Variants in TBC1D19 observed in about 807,000 individuals in gnomAD.
TBC1D19 encodes the protein TBC1 domain family member 19.
TBC1D19 carries 60 observed loss-of-function variants against 89.0 expected under a neutral mutation model. The ratio of observed to expected loss-of-function variants is 0.67; its 90% confidence interval spans 0.55 to 0.84. The LOEUF (loss-of-function observed/expected upper bound fraction) is 0.84, where lower values mean the gene tolerates loss of function less well. Among genes scored for constraint, TBC1D19 ranks in the 40% least tolerant of loss-of-function variants. The pLI is 0.00. For missense variants in TBC1D19, 500 were observed against 610.8 expected (o/e 0.82, Z 1.91); for synonymous variants, 189 against 199.7 (o/e 0.95, Z 0.45).
intron 13 of TBC1D19, among the ~76,000 whole-genome samples, chr4:26,713,057 A>G (rs2109249326): frequency 6.6e-6 from 1 of 152,216 alleles, no homozygotes; most frequent in South Asian, 2.1e-4. Context: ...AGGAGAAGAG[A>G]TTAATATTTA....
chr4:26,699,999 A>G (rs1237091034), intron 13 of TBC1D19, among the ~76,000 whole-genome samples: 1 of 152,070 alleles, frequency 6.6e-6, no homozygotes, highest in African/African-American at 2.4e-5. Flanking sequence ...GTACCCTAGA[A>G]CTTAAAGTAT....
chr4:26,618,875 C>T (rs2110028302), intron 3 of TBC1D19, among the ~76,000 whole-genome samples: 1 of 152,164 alleles, frequency 6.6e-6, no homozygotes, highest in Non-Finnish European at 1.5e-5. Flanking sequence ...TTTAGGGAGA[C>T]TTGGGGGACA....
At chr4:26,630,454 A>C (rs577545532) in intron 4 of TBC1D19, among the ~76,000 whole-genome samples, 14 of 152,158 alleles carry the variant, frequency 9.2e-5, no homozygotes, top group Admixed American at 7.9e-4. Flanking sequence ...TGGGGTGCTA[A>C]ATGTACATTG....
At chr4:26,760,170 T>C (rs897790796), downstream of TBC1D19, among the ~76,000 whole-genome samples, 1 of 152,246 alleles carries the variant, frequency 6.6e-6, no homozygotes, top group African/African-American at 2.4e-5. Context: ...TGTATTTTCC[T>C]AATGATATTG....
chr4:26,684,262 T>G (rs1309381177), intron 12 of TBC1D19, among the ~76,000 whole-genome samples: 4 of 152,210 alleles, frequency 2.6e-5, no homozygotes, highest in Non-Finnish European at 5.9e-5. Context: ...GAGTTAACGC[T>G]TTCATCACTG....
rs577563123 is a variant in TBC1D19, at chr4:26,701,686, A to C, written c.954+13279A>C. On this transcript the variant is annotated intron_variant, in intron 13 of 20. Transcript: ENST00000264866. ...TTCCTTAGATTTTAGTATAGTTGTAATGAATCCTTTTTTATGAACTGACTC... is the reference window on the plus strand; with the variant it reads ...TTCCTTAGATTTTAGTATAGTTGTACTGAATCCTTTTTTATGAACTGACTC... Among the ~76,000 whole-genome samples, 196 of 152,158 alleles carry C rather than the reference A, an allele frequency of 1.3e-3. 2 individuals carry two copies. The highest frequency in any genetic ancestry group is 2.4e-3 in the Non-Finnish European group (165 of 68,020).
chr4:26,598,819 A>G (rs988015630), intron 1 of TBC1D19, among the ~76,000 whole-genome samples: 3 of 152,212 alleles, frequency 2.0e-5, no homozygotes, highest in Admixed American at 6.5e-5. Context: ...AAAAAGGATT[A>G]TGAATCTGTA....
At chr4:26,778,270 G>A in the TBC1D19 span, among the ~76,000 whole-genome samples, 1 of 152,084 alleles carries the variant, frequency 6.6e-6, no homozygotes. Context: ...GAAAAAATTA[G>A]CCAGGCATGG....
chr4:26,589,104 G>C (rs2109942008), intron 1 of TBC1D19, among the ~76,000 whole-genome samples: 1 of 152,166 alleles, frequency 6.6e-6, no homozygotes, highest in African/African-American at 2.4e-5. Flanking sequence ...GTGAAACCCT[G>C]TCTCTACTAA....
chr4:26,794,955 A>G, the TBC1D19 span, among the ~76,000 whole-genome samples: 4 of 152,190 alleles, frequency 2.6e-5, no homozygotes, highest in African/African-American at 4.8e-5. Flanking sequence ...TGGGCTCCTG[A>G]CCGGTCTCCT....
chr4:26,654,016 T>C (rs556392338), intron 7 of TBC1D19, among the ~76,000 whole-genome samples: 1 of 152,312 alleles, frequency 6.6e-6, no homozygotes, highest in Non-Finnish European at 1.5e-5. Flanking sequence ...TGGTACCGGT[T>C]ATTCCTTTCC....
intron 14 of TBC1D19, among the ~76,000 whole-genome samples, chr4:26,719,090 G>A (rs186477833): frequency 3.2e-4 from 48 of 152,164 alleles, no homozygotes; most frequent in Middle Eastern, 3.4e-3. Context: ...AACACTTAAA[G>A]TCTGTGCTAG....
At chr4:26,696,122 T>A (rs1446296289) in intron 13 of TBC1D19, among the ~76,000 whole-genome samples, 1 of 152,216 alleles carries the variant, frequency 6.6e-6, no homozygotes, top group Admixed American at 6.5e-5. Context: ...CCATCTCATG[T>A]GCAGAGGCAC....
intron 13 of TBC1D19, among the ~76,000 whole-genome samples, chr4:26,712,335 T>C (rs1027856748): frequency 5.9e-5 from 9 of 151,876 alleles, no homozygotes; most frequent in African/African-American, 2.2e-4. Flanking sequence ...AGAATCTGGG[T>C]TTTTCTTGCC....
the TBC1D19 span, among the ~76,000 whole-genome samples, chr4:26,841,944 C>A: frequency 6.6e-6 from 1 of 152,196 alleles, no homozygotes; most frequent in African/African-American, 2.4e-5. Context: ...AATTTAAAAT[C>A]TTTATTTAGA....
chr4:26,698,082 G>A (rs1714972646), intron 13 of TBC1D19, among the ~76,000 whole-genome samples: 1 of 152,204 alleles, frequency 6.6e-6, no homozygotes, highest in Non-Finnish European at 1.5e-5. Flanking sequence ...GCCCCTGTTT[G>A]CAGATGACAT....
chr4:26,789,451 T>C, the TBC1D19 span, among the ~76,000 whole-genome samples: 1 of 152,178 alleles, frequency 6.6e-6, no homozygotes, highest in Admixed American at 6.5e-5. Context: ...CAAGAAGCAT[T>C]TGAAAATGTT....
chr4:26,672,562 G>A (rs1054099706), intron 10 of TBC1D19, among the ~76,000 whole-genome samples: 12 of 152,128 alleles, frequency 7.9e-5, no homozygotes, highest in African/African-American at 2.9e-4. Context: ...ATATGCTCCC[G>A]CATCAGGAGA....
At chr4:26,732,201 A>T (rs914400098) in intron 15 of TBC1D19, among the ~76,000 whole-genome samples, 2 of 152,156 alleles carry the variant, frequency 1.3e-5, no homozygotes, top group African/African-American at 4.8e-5. Context: ...TAAAGAGCAG[A>T]TCCCACCACT....
Sources: gnomAD v4.1 joint callset for allele counts (sites outside exome capture counted in the v4.1 genomes callset) on GRCh38, gnomAD v4.1.1 for gene constraint, MANE v1.5 for transcripts, NCBI Gene and HGNC (gene_info 2026-07-23, HGNC 2026-07-21) for gene names.